HDAC1: variants seen among roughly 807,000 people sequenced by gnomAD.
The protein encoded by HDAC1 is histone deacetylase 1.
In HDAC1, 18 loss-of-function variants were observed where a neutral mutation model predicts 65.5. That is an observed-to-expected ratio of 0.27 (90% confidence interval 0.19 to 0.41). The LOEUF is 0.41. Ranked by LOEUF, HDAC1 falls within the 10% of genes least tolerant of loss-of-function variation. HDAC1 has a pLI of 1.00. For synonymous variants in HDAC1, 211 were observed against 227.9 expected (o/e 0.93, Z 0.67); for missense variants, 373 against 625.2 (o/e 0.60, Z 4.30).
rs1641320336 is a variant in HDAC1 at position 32,333,048 on chromosome 1, G to C, written c.*4G>C. 1 of 1,613,284 alleles carries C rather than the reference G, an allele frequency of 6.2e-7. No individual in the cohort carries two copies. The highest frequency in any genetic ancestry group is 8.5e-7 in the Non-Finnish European group (1 of 1,179,456). ...GGAGGAGGTCAAGTTGGCCTGAATGGACCTCTCCAGCTCTGGCTTCCTGCT... is the reference window on the plus strand; with the variant it reads ...GGAGGAGGTCAAGTTGGCCTGAATGCACCTCTCCAGCTCTGGCTTCCTGCT... On this transcript the variant is annotated 3_prime_UTR_variant, in exon 14 of 14. Coordinates refer to ENST00000373548, the MANE Select transcript of HDAC1 (RefSeq NM_004964.3).
rs1397416355 is a variant in HDAC1 at position 32,327,385 on chromosome 1, C to T, written c.495-151C>T. ...GGTCAGGCCTCTGGAGACACCCGGC[C>T]GCTCTTCCACCTTCCTTCAGCCAGT... On this transcript the variant is annotated intron_variant, in intron 5 of 13. Coordinates refer to ENST00000373548, the MANE Select transcript of HDAC1 (RefSeq NM_004964.3). The surrounding 1 kb of genome is among the most constrained non-coding windows in gnomAD (Gnocchi z 6.0). 8.6e-6 allele frequency: 6 copies of T among 698,104 alleles called. No individual in the cohort carries two copies. Among genetic ancestry groups the T allele is most frequent in the Admixed American group, 4.6e-5 (2 of 43,514 alleles). The allele number at this position is 698,104 out of a possible 1,614,324, so 43.2% of individuals were successfully genotyped here. A position where few individuals can be genotyped will look rare whatever the true frequency, so the allele number is the denominator to read the frequency against.
At chr1:32,310,918 A>T (rs1162658086) in intron 2 of HDAC1, among the ~76,000 whole-genome samples, 15 of 149,146 alleles carry the variant, frequency 1.0e-4, no homozygotes, top group African/African-American at 3.2e-4. Flanking sequence ...AAGACAAAGA[A>T]GGAAGGAAGA....
rs762901640 is a variant in HDAC1 at position 32,331,660 on chromosome 1, C to T, written c.1089-16C>T. 7 of 1,613,250 alleles carry T rather than the reference C, an allele frequency of 4.3e-6. No individual in the cohort carries two copies. The highest frequency in any genetic ancestry group is 5.9e-6 in the Non-Finnish European group (7 of 1,179,376). On this transcript the variant is annotated splice_polypyrimidine_tract_variant and intron_variant, in intron 10 of 13. Coordinates refer to ENST00000373548, the MANE Select transcript of HDAC1 (RefSeq NM_004964.3). The surrounding 1 kb of genome is among the most constrained non-coding windows in gnomAD (Gnocchi z 4.2). ...TCCCTGACCAGAGCCCTGCTACTCT[C>T]TCCCATTGGCCACAGACAGCGACTG...
At chr1:32,314,173 A>G (rs532784141) in intron 2 of HDAC1, among the ~76,000 whole-genome samples, 1 of 152,242 alleles carries the variant, frequency 6.6e-6, no homozygotes, top group South Asian at 2.1e-4. Context: ...TCACTGATTC[A>G]CCAAAAATTG....
At position 32,330,248 on chromosome 1, in the gene HDAC1, T is replaced by A. The variant is rs1010524058; in HGVS notation, c.730-330T>A. The A allele has an allele frequency of 3.2e-6, 1 of 314,480 alleles. No individual in the cohort carries two copies. Among genetic ancestry groups the A allele is most frequent in the Non-Finnish European group, 6.1e-6 (1 of 164,804 alleles). 19.5% of individuals were successfully genotyped at this position (314,480 alleles called of 1,614,324 possible). A position where few individuals can be genotyped will look rare whatever the true frequency, so the allele number is the denominator to read the frequency against. The stretch of plus-strand genomic sequence containing the variant: ...AGTCTGTAAGACCGAATGAGTAGAG[T>A]AGATGCAGCTAAAGGTCAGGAAGGC... On this transcript the variant is annotated intron_variant, in intron 7 of 13. Transcript: ENST00000373548. The surrounding 1 kb of genome is among the most constrained non-coding windows in gnomAD (Gnocchi z 4.2).
Position 32,329,079 on chromosome 1 carries a change from T to C in HDAC1, c.648T>C (p.Ala216=). 2 of 1,606,206 alleles carry C rather than the reference T, an allele frequency of 1.2e-6. No individual in the cohort carries two copies. The highest frequency in any genetic ancestry group is 1.7e-6 in the Non-Finnish European group (2 of 1,172,936). ...GCCTTTTTAATTAGGATATCGGGGC[T>C]GGCAAAGGCAAGTATTATGCTGTTA... ...PGTGDLRDIG[A]GKGKYYAVNY... The change falls in exon 7 of 14, where the codon GCT becomes GCC. Residue 216 remains alanine (A), a synonymous_variant. Coordinates refer to ENST00000373548, the MANE Select transcript of HDAC1 (RefSeq NM_004964.3). The surrounding 1 kb of genome is among the most constrained non-coding windows in gnomAD (Gnocchi z 4.1).
At chr1:32,316,253 T>C (rs1286501125) in intron 2 of HDAC1, among the ~76,000 whole-genome samples, 2 of 148,612 alleles carry the variant, frequency 1.3e-5, no homozygotes, top group South Asian at 2.1e-4. Flanking sequence ...CACTGCACTC[T>C]AGCCTGGGAG....
intron 1 of HDAC1, among the ~76,000 whole-genome samples, chr1:32,302,082 G>T (rs944883005): frequency 1.3e-5 from 2 of 152,144 alleles, no homozygotes; most frequent in Non-Finnish European, 2.9e-5. Flanking sequence ...CAATTAGAAG[G>T]CTAGTGTTAT....
Position 32,330,936 on chromosome 1 carries a change from G to C in HDAC1, c.979+28G>C, listed in dbSNP as rs766486993. 6 of 1,612,684 alleles carry C rather than the reference G, an allele frequency of 3.7e-6. No individual in the cohort carries two copies. In the African/African-American group the frequency reaches 8.0e-5, roughly 22 times the overall value. On this transcript the variant is annotated intron_variant, in intron 9 of 13. Transcript: ENST00000373548. This position sits in a 1 kb window ranked among gnomAD's most constrained non-coding sequence, Gnocchi z 4.2. ...AATAGCTGCAGGGCCAGGTTCGGCTGGGCTGGGTGGGAGCTGGAGCTCATC... is the reference window on the plus strand; with the variant it reads ...AATAGCTGCAGGGCCAGGTTCGGCTCGGCTGGGTGGGAGCTGGAGCTCATC...
At chr1:32,302,171 T>C (rs1220039009) in intron 1 of HDAC1, among the ~76,000 whole-genome samples, 1 of 152,212 alleles carries the variant, frequency 6.6e-6, no homozygotes, top group African/African-American at 2.4e-5. Flanking sequence ...CCCATGTTAC[T>C]GTGAGGATCC....
At position 32,331,413 on chromosome 1, in the gene HDAC1, TGCAAATGGTTAG is replaced by T; in HGVS notation, c.980-59_980-48del. The T allele has an allele frequency of 1.1e-6, 1 of 946,928 alleles. No individual in the cohort carries two copies. Among genetic ancestry groups the T allele is most frequent in the Non-Finnish European group, 1.7e-6 (1 of 575,286 alleles). 58.7% of individuals were successfully genotyped at this position (946,928 alleles called of 1,614,324 possible). ...CTACAAATGCTTTAGGGTGCTTACG[TGCAAATGGTTAG>T]GGTGCGGTGGCCAGGTCTCTTGACG... is the stretch of plus-strand genomic sequence containing the variant. On this transcript the variant is annotated intron_variant, in intron 9 of 13. Coordinates refer to ENST00000373548, the MANE Select transcript of HDAC1 (RefSeq NM_004964.3). This position sits in a 1 kb window ranked among gnomAD's most constrained non-coding sequence, Gnocchi z 4.2.
intron 2 of HDAC1, among the ~76,000 whole-genome samples, chr1:32,310,843 C>T (rs1354835265): frequency 1.2e-4 from 16 of 132,858 alleles, no homozygotes; most frequent in African/African-American, 3.7e-4. Flanking sequence ...GAGTGAAAGT[C>T]GGTGAAAAAA....
intron 1 of HDAC1, among the ~76,000 whole-genome samples, chr1:32,297,206 G>C (rs1640778820): frequency 6.6e-6 from 1 of 152,094 alleles, no homozygotes; most frequent in Admixed American, 6.6e-5. Flanking sequence ...ATTTTGCACA[G>C]TTTTATGATA....
rs141065834 is a variant in HDAC1, at chr1:32,331,559, G to C, written c.1065G>C (p.Thr355=). 3.1e-6 allele frequency: 5 copies of C among 1,610,072 alleles called. No homozygotes were observed. The highest frequency in any genetic ancestry group is 4.3e-6 in the Non-Finnish European group (5 of 1,176,388). ...CTTCCAATATGACTAACCAGAACACGAATGAGTACCTGGAGAAGATCAAGT... is the reference window on the plus strand; with the variant it reads ...CTTCCAATATGACTAACCAGAACACCAATGAGTACCTGGAGAAGATCAAGT... The part of the protein sequence containing the change: ...ISPSNMTNQN[T]NEYLEKIKQR... The change falls in exon 10 of 14, where the codon ACG becomes ACC. Residue 355 remains threonine (T), a synonymous_variant. Transcript: ENST00000373548. This position sits in a 1 kb window ranked among gnomAD's most constrained non-coding sequence, Gnocchi z 4.2.
chr1:32,332,981 TGG>T (rs1641319282), intron 13 of HDAC1, 34 bp from the exon 14 acceptor site: 2 of 1,611,904 alleles, frequency 1.2e-6, no homozygotes, highest in East Asian at 2.2e-5. Context: ...GGCTCTGGGC[TGG>T]GTCATCTCAT....
chr1:32,304,571 A>C (rs1386327245), intron 2 of HDAC1, among the ~76,000 whole-genome samples: 2 of 148,428 alleles, frequency 1.3e-5, no homozygotes, highest in South Asian at 2.2e-4. Flanking sequence ...GCTTTATTTT[A>C]TTTTTTTCTT....
At chr1:32,297,038 A>T (rs1045382642) in intron 1 of HDAC1, among the ~76,000 whole-genome samples, 1 of 152,116 alleles carries the variant, frequency 6.6e-6, no homozygotes, top group Non-Finnish European at 1.5e-5. Flanking sequence ...CCTTTTCCTG[A>T]GGGTGGGGTA....
intron 3 of HDAC1, among the ~76,000 whole-genome samples, chr1:32,323,369 C>T (rs898086666): frequency 1.3e-5 from 2 of 151,824 alleles, no homozygotes; most frequent in Non-Finnish European, 2.9e-5. Flanking sequence ...AACAGCTCAC[C>T]TCTCTGAACC....
In HDAC1 at chr1:32,326,929, T is replaced by C; in HGVS notation, c.356-10T>C. The C allele has an allele frequency of 6.2e-7, 1 of 1,613,796 alleles. No individual in the cohort carries two copies. Among genetic ancestry groups the C allele is most frequent in the African/African-American group, 1.3e-5 (1 of 75,012 alleles). On this transcript the variant is annotated splice_polypyrimidine_tract_variant and intron_variant, in intron 4 of 13. Coordinates refer to ENST00000373548, the MANE Select transcript of HDAC1 (RefSeq NM_004964.3). ...AGTAACAGGCTTATGTTCTCTTTTC[T>C]CATGCCCAGCAAGTGCTGTGAAACT...
Sources: gnomAD v4.1 joint callset for allele counts (sites outside exome capture counted in the v4.1 genomes callset) on GRCh38, gnomAD v4.1.1 for gene constraint, Gnocchi (gnomAD v3.1) non-coding constraint, MANE v1.5 for transcripts, NCBI Gene and HGNC (gene_info 2026-07-23, HGNC 2026-07-21) for gene names.